The following MPPED2 variants were observed in gnomAD, a reference collection of about 807,000 sequenced individuals.
MPPED2 encodes metallophosphoesterase MPPED2.
In MPPED2, 5 loss-of-function variants were observed where a neutral mutation model predicts 33.0. The ratio of observed to expected loss-of-function variants is 0.15; its 90% CI spans 0.08 to 0.32. MPPED2 has a LOEUF of 0.32. Among genes scored for constraint, MPPED2 ranks in the 10% least tolerant of loss-of-function variants. The pLI, the probability that MPPED2 is intolerant of heterozygous loss-of-function variation, is 1.00. For missense variants in MPPED2, 275 were observed against 372.1 expected, an observed-to-expected ratio of 0.74 and a Z score of 2.15; for synonymous variants, 136 against 141.9, an observed-to-expected ratio of 0.96 and a Z score of 0.29.
chr11:30,395,467 A>G (rs527817310), intron 6 of MPPED2, among the ~76,000 whole-genome samples: 141 of 152,166 alleles, frequency 9.3e-4, no homozygotes, highest in African/African-American at 3.1e-3. Context: ...GTTCATGTCA[A>G]CTCTTCTGGA....
chr11:30,533,420 T>G (rs542910099), intron 3 of MPPED2, among the ~76,000 whole-genome samples: 2 of 152,160 alleles, frequency 1.3e-5, no homozygotes, highest in South Asian at 4.2e-4. Context: ...TTCAGTGGAC[T>G]CCAAATGCCT....
chr11:30,541,238 T>G (rs1955092659), intron 2 of MPPED2, among the ~76,000 whole-genome samples: 1 of 152,224 alleles, frequency 6.6e-6, no homozygotes, highest in African/African-American at 2.4e-5. Context: ...AAACCATTCT[T>G]GTTTATTCAG....
chr11:30,427,702 C>T (rs1948900880), intron 4 of MPPED2, among the ~76,000 whole-genome samples: 1 of 152,096 alleles, frequency 6.6e-6, no homozygotes, highest in African/African-American at 2.4e-5. Flanking sequence ...AGTATGAATT[C>T]AAACATGTAA....
chr11:30,575,508 G>A (rs554874588), intron 2 of MPPED2, among the ~76,000 whole-genome samples: 17 of 152,314 alleles, frequency 1.1e-4, no homozygotes, highest in East Asian at 1.9e-4. Context: ...ATCAGTATTT[G>A]TATACAGATC....
chr11:30,462,426 G>A (rs112959209), intron 4 of MPPED2, among the ~76,000 whole-genome samples: 25 of 152,132 alleles, frequency 1.6e-4, no homozygotes, highest in African/African-American at 5.5e-4. Flanking sequence ...TTCAATACAC[G>A]CTCTGCATTA....
chr11:30,497,709 C>A (rs1952346144), intron 3 of MPPED2, among the ~76,000 whole-genome samples: 1 of 151,998 alleles, frequency 6.6e-6, no homozygotes, highest in Non-Finnish European at 1.5e-5. Context: ...TCCTTTCTTT[C>A]TTTCTTTCTT....
At chr11:30,482,167 GA>G (rs1247969012) in intron 4 of MPPED2, among the ~76,000 whole-genome samples, 2 of 151,888 alleles carry the variant, frequency 1.3e-5, no homozygotes, top group Non-Finnish European at 2.9e-5. Context: ...ATAAGAGAAA[GA>G]AAAAAAGAAC....
At chr11:30,441,465 C>A (rs1590277896) in intron 4 of MPPED2, 1 of 152,158 alleles carries the variant, frequency 6.6e-6, no homozygotes, top group East Asian at 1.9e-4. Context: ...ACAACGTCTG[C>A]CACAATCCCC....
At chr11:30,427,477 T>C (rs944211505) in intron 4 of MPPED2, among the ~76,000 whole-genome samples, 3 of 152,170 alleles carry the variant, frequency 2.0e-5, no homozygotes, top group African/African-American at 4.8e-5. Context: ...AGGGGACAAT[T>C]GATAAGTGGA....
At chr11:30,409,808 G>A (rs1948044192), downstream of MPPED2, among the ~76,000 whole-genome samples, 2 of 152,126 alleles carry the variant, frequency 1.3e-5, no homozygotes, top group Admixed American at 6.5e-5. Flanking sequence ...TTTTGTGGGT[G>A]GGCATCATTA....
chr11:30,491,101 G>C (rs1335361841), intron 4 of MPPED2, among the ~76,000 whole-genome samples: 1 of 152,140 alleles, frequency 6.6e-6, no homozygotes, highest in Non-Finnish European at 1.5e-5. Flanking sequence ...ACTAAGCAGG[G>C]ACTCACCTAT....
chr11:30,579,314 A>G (rs1030826355), intron 2 of MPPED2, among the ~76,000 whole-genome samples: 94 of 152,250 alleles, frequency 6.2e-4, no homozygotes, highest in African/African-American at 2.0e-3. Flanking sequence ...AGTGGTAAAA[A>G]CAGTCAACAG....
At chr11:30,548,541 G>A (rs1228416370) in intron 2 of MPPED2, among the ~76,000 whole-genome samples, 1 of 152,182 alleles carries the variant, frequency 6.6e-6, no homozygotes, top group African/African-American at 2.4e-5. Context: ...TGCTTGTAAA[G>A]GGCCCAGTGC....
In MPPED2 at chr11:30,411,529, A is replaced by G; in HGVS notation, c.824T>C (p.Val275Ala). Reference sequence around the variant, plus strand: ...TGGAGGGTTGGTCGGTTGAAAGCTGACTGTACACGTCGAGGCATTGATGTA... The same window carrying G: ...TGGAGGGTTGGTCGGTTGAAAGCTGGCTGTACACGTCGAGGCATTGATGTA... ...TTYINASTCT[V>A]SFQPTNPPII... is the part of the protein sequence containing the mutation. The change falls in exon 7 of 7, where the codon GTC becomes GCC. Residue 275 changes from valine (V) to alanine (A), a missense_variant. Transcript: ENST00000358117. 6.2e-7 allele frequency: 1 copy of G among 1,613,996 alleles called. No individual in the cohort carries two copies.
intron 1 of MPPED2, among the ~76,000 whole-genome samples, chr11:30,582,766 G>A (rs1376345048): frequency 6.6e-6 from 1 of 152,106 alleles, no homozygotes; most frequent in Non-Finnish European, 1.5e-5. Context: ...CTCTATCACT[G>A]AACATCTATG....
intron 6 of MPPED2, among the ~76,000 whole-genome samples, chr11:30,392,226 T>G (rs1157026829): frequency 6.6e-6 from 1 of 152,230 alleles, no homozygotes; most frequent in African/African-American, 2.4e-5. Flanking sequence ...TGTTTGATTT[T>G]GGGGTCTTTG....
intron 6 of MPPED2, among the ~76,000 whole-genome samples, chr11:30,411,800 AT>A (rs544297118): frequency 2.9e-4 from 44 of 151,734 alleles, no homozygotes; most frequent in Non-Finnish European, 4.0e-4. Context: ...ACTAAGAGCA[AT>A]TTTTTTTTCT....
At chr11:30,397,591 T>C (rs1307533091) in intron 6 of MPPED2, among the ~76,000 whole-genome samples, 1 of 152,144 alleles carries the variant, frequency 6.6e-6, no homozygotes, top group African/African-American at 2.4e-5. Context: ...AAGGTCTATA[T>C]AAATGCTTGA....
chr11:30,570,139 A>G (rs575220477), intron 2 of MPPED2, among the ~76,000 whole-genome samples: 1 of 152,238 alleles, frequency 6.6e-6, no homozygotes, highest in Non-Finnish European at 1.5e-5. Context: ...CTCATAAAAG[A>G]CATGCATTTA....
Sources: gnomAD v4.1 joint callset for allele counts (sites outside exome capture counted in the v4.1 genomes callset) on GRCh38, gnomAD v4.1.1 for gene constraint, MANE v1.5 for transcripts, NCBI Gene and HGNC (gene_info 2026-07-23, HGNC 2026-07-21) for gene names.